TMTC1: variants seen among roughly 807,000 people sequenced by gnomAD.
TMTC1 encodes transmembrane O-mannosyltransferase targeting cadherins 1.
TMTC1 carries 73 observed loss-of-function variants against 104.8 expected under a neutral mutation model. The ratio of observed to expected loss-of-function variants is 0.70; its 90% confidence interval spans 0.58 to 0.85. The LOEUF is 0.85. TMTC1 is among the 40% of genes least tolerant of loss of function. The pLI, the probability that TMTC1 is intolerant of heterozygous loss-of-function variation, is 0.00. For synonymous variants in TMTC1, 434 were observed against 428.7 expected (o/e 1.01, Z -0.15); for missense variants, 1,035 against 1,096.1 (o/e 0.94, Z 0.79).
chr12:29,752,644 A>G (rs1218505057), intron 4 of TMTC1, among the ~76,000 whole-genome samples: 2 of 152,230 alleles, frequency 1.3e-5, no homozygotes, highest in East Asian at 3.8e-4. Context: ...ATGATAATTA[A>G]ATACTATACA....
At chr12:29,562,476 G>C (rs1176366468) in intron 9 of TMTC1, among the ~76,000 whole-genome samples, 4 of 152,328 alleles carry the variant, frequency 2.6e-5, no homozygotes, top group South Asian at 2.1e-4. Context: ...ACTGCTAGGG[G>C]TTGGGAAGTT....
intron 5 of TMTC1, among the ~76,000 whole-genome samples, chr12:29,669,252 G>C (rs1401302001): frequency 4.6e-5 from 7 of 152,226 alleles, no homozygotes; most frequent in Non-Finnish European, 7.3e-5. Flanking sequence ...CATATGGCTG[G>C]AAGATCTAAT....
intron 15 of TMTC1, 58 bp from the exon 16 acceptor site, chr12:29,514,662 T>C: frequency 6.5e-7 from 1 of 1,546,204 alleles, no homozygotes; most frequent in Non-Finnish European, 8.7e-7. Flanking sequence ...AAAAACTTAT[T>C]TAACTGATCA....
At chr12:29,755,382 T>C (rs1943190132) in intron 4 of TMTC1, among the ~76,000 whole-genome samples, 1 of 152,226 alleles carries the variant, frequency 6.6e-6, no homozygotes, top group African/African-American at 2.4e-5. Flanking sequence ...GCAATCACTA[T>C]TTTTATGAAT....
chr12:29,661,264 A>G (rs1940009963), intron 5 of TMTC1: 1 of 648,350 alleles, frequency 1.5e-6, no homozygotes, highest in South Asian at 6.9e-5. Flanking sequence ...AAAACAATAC[A>G]GTTACACTGG....
At chr12:29,619,046 A>C (rs1947062009) in intron 6 of TMTC1, among the ~76,000 whole-genome samples, 2 of 152,270 alleles carry the variant, frequency 1.3e-5, no homozygotes, top group South Asian at 4.1e-4. Flanking sequence ...AGACTATGAA[A>C]TCTCACTGAG....
At chr12:29,583,137 G>A (rs904040113) in intron 8 of TMTC1, among the ~76,000 whole-genome samples, 1 of 152,062 alleles carries the variant, frequency 6.6e-6, no homozygotes, top group East Asian at 1.9e-4. Context: ...CATTAAAACT[G>A]TTTCCATCTG....
Position 29,518,517 on chromosome 12 carries a change from T to C in TMTC1, c.1979A>G (p.Tyr660Cys). The C allele has an allele frequency of 1.9e-6, 3 of 1,614,126 alleles. No homozygotes were observed. Among genetic ancestry groups the C allele is most frequent in the East Asian group, 2.2e-5 (1 of 44,880 alleles). ...HVAMVNLGRL[Y>C]RSLGENSMAE... is the part of the protein sequence containing the mutation. ...CATGCTGTTCTCTCCCAGTGACCTG[T>C]AGAGTCTTCCCAAGTTCACCATGGC... Residue 660 changes from tyrosine to cysteine, a missense_variant, in exon 13 of 18, where the codon TAC becomes TGC. By Grantham distance (194) the Tyr-to-Cys change is radical. Coordinates refer to ENST00000539277, the MANE Select transcript of TMTC1 (RefSeq NM_001193451.2).
At chr12:29,710,706 T>C (rs1481550989) in intron 5 of TMTC1, among the ~76,000 whole-genome samples, 5 of 139,710 alleles carry the variant, frequency 3.6e-5, no homozygotes, top group African/African-American at 1.3e-4. Context: ...TTTATAAATA[T>C]GTATTTATAA....
rs191335627 is a variant in TMTC1, at chr12:29,633,394, C to T, written c.939-58G>A. On this transcript the variant is annotated intron_variant, in intron 5 of 17. Coordinates refer to ENST00000539277, the MANE Select transcript of TMTC1 (RefSeq NM_001193451.2). ...CTCAAGAACCATGACATTCTGTAAG[C>T]GTTCAGTCACCATATTTTTATTAAA... 178 of 1,378,986 alleles carry T rather than the reference C, an allele frequency of 1.3e-4. 2 individuals are homozygous for T. In the African/African-American group the frequency reaches 2.0e-3, roughly 16 times the overall value. The allele number at this position is 1,378,986 out of a possible 1,614,324, so 85.4% of individuals were successfully genotyped here. A position where few individuals can be genotyped will look rare whatever the true frequency, so the allele number is the denominator to read the frequency against.
intron 2 of TMTC1, among the ~76,000 whole-genome samples, chr12:29,764,788 A>G (rs1943426565): frequency 6.6e-6 from 1 of 152,058 alleles, no homozygotes; most frequent in Non-Finnish European, 1.5e-5. Context: ...CTGTGTTACT[A>G]TGGATTTTTT....
chr12:29,757,396 T>A (rs1163642095), intron 3 of TMTC1, among the ~76,000 whole-genome samples: 3 of 152,190 alleles, frequency 2.0e-5, no homozygotes, highest in Admixed American at 1.3e-4. Flanking sequence ...ACCACTTCAG[T>A]TGTGACAACC....
At chr12:29,557,850 C>T (rs1945285261) in intron 9 of TMTC1, among the ~76,000 whole-genome samples, 1 of 152,142 alleles carries the variant, frequency 6.6e-6, no homozygotes, top group South Asian at 2.1e-4. Context: ...TGCAAAATGC[C>T]TCCTCTTCTC....
chr12:29,567,065 C>A (rs927383244), intron 9 of TMTC1, among the ~76,000 whole-genome samples: 2 of 152,210 alleles, frequency 1.3e-5, no homozygotes, highest in African/African-American at 4.8e-5. Flanking sequence ...AAAAGTAAAT[C>A]TCTTGCCTCC....
At chr12:29,573,249 G>A (rs998217423) in intron 8 of TMTC1, among the ~76,000 whole-genome samples, 5 of 152,112 alleles carry the variant, frequency 3.3e-5, no homozygotes, top group African/African-American at 1.2e-4. Context: ...GACATGCCAG[G>A]CCCTCACATA....
intron 6 of TMTC1, among the ~76,000 whole-genome samples, chr12:29,628,246 T>A (rs1591825852): frequency 6.6e-6 from 1 of 151,814 alleles, no homozygotes; most frequent in Admixed American, 6.6e-5. Flanking sequence ...GGTGGTGGAG[T>A]TTTTCTGCCC....
chr12:29,622,766 T>G (rs551059426), intron 6 of TMTC1, among the ~76,000 whole-genome samples: 1 of 152,316 alleles, frequency 6.6e-6, no homozygotes, highest in Admixed American at 6.5e-5. Context: ...TCAAATGCCT[T>G]TCTAGAGAAT....
chr12:29,784,632 C>T (rs1339298483), upstream of TMTC1: 1 of 152,302 alleles, frequency 6.6e-6, no homozygotes, highest in Non-Finnish European at 1.5e-5. Flanking sequence ...TTGGCCCGCA[C>T]TTACAAAAAG....
At chr12:29,698,432 T>C (rs1026767976) in intron 5 of TMTC1, among the ~76,000 whole-genome samples, 1 of 152,216 alleles carries the variant, frequency 6.6e-6, no homozygotes, top group Non-Finnish European at 1.5e-5. Flanking sequence ...CTATTGTCAG[T>C]ACATTCCAGG....
Sources: gnomAD v4.1 joint callset for allele counts (sites outside exome capture counted in the v4.1 genomes callset) on GRCh38, gnomAD v4.1.1 for gene constraint, MANE v1.5 for transcripts, NCBI Gene and HGNC (gene_info 2026-07-23, HGNC 2026-07-21) for gene names.